The following IGSF11 variants were observed in gnomAD, a reference collection of about 807,000 sequenced individuals.
IGSF11 encodes the protein immunoglobulin superfamily member 11.
IGSF11 carries 22 observed loss-of-function variants against 41.0 expected under a neutral mutation model. The ratio of observed to expected loss-of-function variants is 0.54; its 90% CI spans 0.38 to 0.77. The LOEUF (loss-of-function observed/expected upper bound fraction) is 0.77. Among genes scored for constraint, IGSF11 ranks in the 30% least tolerant of loss-of-function variants. IGSF11 has a pLI of 0.00. For synonymous variants in IGSF11, 219 were observed against 201.3 expected, an observed-to-expected ratio of 1.09 and a Z score of -0.74; for missense variants, 444 against 530.8, an observed-to-expected ratio of 0.84 and a Z score of 1.61.
chr3:119,006,412 T>C (rs1467322349), intron 1 of IGSF11, among the ~76,000 whole-genome samples: 1 of 106,590 alleles, frequency 9.4e-6, no homozygotes, highest in East Asian at 2.4e-4. Context: ...GGTTTGAATG[T>C]CCTCCCGTAG....
chr3:119,034,242 A>T (rs1405917655), intron 1 of IGSF11, among the ~76,000 whole-genome samples: 2 of 152,242 alleles, frequency 1.3e-5, no homozygotes, highest in African/African-American at 4.8e-5. Context: ...AGGATCCTGC[A>T]TTCCGCAGAG....
intron 1 of IGSF11, among the ~76,000 whole-genome samples, chr3:118,998,052 C>A (rs965797002): frequency 6.6e-6 from 1 of 152,124 alleles, no homozygotes; most frequent in Admixed American, 6.5e-5. Context: ...CTGGTAATGG[C>A]GCTTCTATTT....
At chr3:119,128,117 G>C (rs2077427655) in intron 1 of IGSF11, among the ~76,000 whole-genome samples, 1 of 152,192 alleles carries the variant, frequency 6.6e-6, no homozygotes, top group South Asian at 2.1e-4. Flanking sequence ...CCAGCACTTT[G>C]GGAGGCCAAG....
intron 1 of IGSF11, among the ~76,000 whole-genome samples, chr3:119,047,214 G>C (rs1032903253): frequency 8.6e-5 from 13 of 151,670 alleles, no homozygotes; most frequent in Non-Finnish European, 1.6e-4. Flanking sequence ...ATTGGATAAA[G>C]AGTCAAGACC....
intron 1 of IGSF11, among the ~76,000 whole-genome samples, chr3:119,061,118 G>A (rs1171496596): frequency 6.6e-6 from 1 of 152,004 alleles, no homozygotes; most frequent in Non-Finnish European, 1.5e-5. Context: ...AAATAAATTG[G>A]TTCACAGTTT....
chr3:119,003,876 T>C (rs1937174558), intron 1 of IGSF11, among the ~76,000 whole-genome samples: 1 of 149,058 alleles, frequency 6.7e-6, no homozygotes, highest in South Asian at 2.2e-4. Flanking sequence ...AGTATTTTAT[T>C]GAGGATTTTT....
chr3:119,045,426 G>A (rs1320552852), intron 1 of IGSF11, among the ~76,000 whole-genome samples: 1 of 152,222 alleles, frequency 6.6e-6, no homozygotes, highest in Non-Finnish European at 1.5e-5. Context: ...CGAATACTGC[G>A]CTTTTGCGAC....
chr3:119,019,738 G>T (rs1259468800), intron 1 of IGSF11, among the ~76,000 whole-genome samples: 1 of 152,134 alleles, frequency 6.6e-6, no homozygotes, highest in Non-Finnish European at 1.5e-5. Context: ...CTCCGTGAGG[G>T]TATTCTTTCC....
At chr3:118,976,890 A>G (rs568948655) in intron 1 of IGSF11, among the ~76,000 whole-genome samples, 9 of 152,250 alleles carry the variant, frequency 5.9e-5, no homozygotes, top group African/African-American at 2.2e-4. Context: ...TCATAATCAT[A>G]TTTTCAAAAA....
intron 1 of IGSF11, among the ~76,000 whole-genome samples, chr3:118,962,183 T>G (rs1209123142): frequency 6.6e-6 from 1 of 152,210 alleles, no homozygotes; most frequent in Non-Finnish European, 1.5e-5. Context: ...ATATTTCCAT[T>G]TTGTTCTTCT....
chr3:119,052,389 A>G (rs1307943527), intron 1 of IGSF11, among the ~76,000 whole-genome samples: 1 of 150,134 alleles, frequency 6.7e-6, no homozygotes, highest in African/African-American at 2.5e-5. Flanking sequence ...CTGAGACAGG[A>G]GAATCACATC....
At chr3:118,926,297 G>GT in intron 3 of IGSF11, 41 bp from the exon 4 acceptor site, 1 of 1,464,474 alleles carries the variant, frequency 6.8e-7, no homozygotes, top group Non-Finnish European at 9.3e-7. Flanking sequence ...ACATTTTACT[G>GT]TGAGCCATGT....
chr3:119,048,444 C>A (rs1341753162), intron 1 of IGSF11, among the ~76,000 whole-genome samples: 1 of 152,086 alleles, frequency 6.6e-6, no homozygotes, highest in African/African-American at 2.4e-5. Context: ...AAGACTAAAC[C>A]AGGAAGAAGG....
chr3:119,107,449 G>A (rs1375206821), upstream of IGSF11, among the ~76,000 whole-genome samples: 1 of 152,038 alleles, frequency 6.6e-6, no homozygotes, highest in Non-Finnish European at 1.5e-5. Context: ...TTTTTTTCTT[G>A]TAAATTTGTT....
At chr3:118,953,864 C>T (rs529152895) in intron 1 of IGSF11, among the ~76,000 whole-genome samples, 66 of 152,152 alleles carry the variant, frequency 4.3e-4, no homozygotes, top group Non-Finnish European at 5.9e-4. Context: ...CAGTTTACTC[C>T]GCTGATGGTT....
At chr3:119,034,455 C>G (rs1224361564) in intron 1 of IGSF11, 76 bp downstream of exon 1, 1 of 1,333,178 alleles carries the variant, frequency 7.5e-7, no homozygotes, top group Non-Finnish European at 9.9e-7. Flanking sequence ...GGCTCTTTGC[C>G]GTCCCCAAAC....
intron 1 of IGSF11, among the ~76,000 whole-genome samples, chr3:119,131,348 G>A (rs1039812613): frequency 1.3e-5 from 2 of 152,156 alleles, no homozygotes; most frequent in African/African-American, 4.8e-5. Flanking sequence ...ACAGTGGAGA[G>A]AAGACCTTAA....
intron 1 of IGSF11, chr3:118,945,003 A>C (rs926066384): frequency 6.6e-6 from 1 of 152,216 alleles, no homozygotes; most frequent in Non-Finnish European, 1.5e-5. Context: ...ACAGCTACTG[A>C]CTAATTGTGT....
intron 1 of IGSF11, among the ~76,000 whole-genome samples, chr3:119,048,915 G>C (rs1941492331): frequency 6.6e-6 from 1 of 152,234 alleles, no homozygotes; most frequent in African/African-American, 2.4e-5. Context: ...TATCTCAACA[G>C]ATGCAGAAAA....
Sources: gnomAD v4.1 joint callset for allele counts (sites outside exome capture counted in the v4.1 genomes callset) on GRCh38, gnomAD v4.1.1 for gene constraint, MANE v1.5 for transcripts, NCBI Gene and HGNC (gene_info 2026-07-23, HGNC 2026-07-21) for gene names.